Variants in KIAA0825 observed in about 807,000 individuals in gnomAD.
KIAA0825 encodes KIAA0825, also known as uncharacterized protein KIAA0825.
KIAA0825 carries 119 observed loss-of-function variants against 147.6 expected under a neutral mutation model. The observed-to-expected ratio is 0.81, with a 90% CI of 0.69 to 0.94. The LOEUF is 0.94. Among genes scored for constraint, KIAA0825 ranks in the 40% least tolerant of loss-of-function variants. KIAA0825 has a pLI of 0.00. For missense variants in KIAA0825, 1,381 were observed against 1,472.7 expected, an observed-to-expected ratio of 0.94 and a Z score of 1.02; for synonymous variants, 470 against 518.1, an observed-to-expected ratio of 0.91 and a Z score of 1.26.
chr5:94,599,589 A>C (rs1198509631), intron 1 of KIAA0825, among the ~76,000 whole-genome samples: 1 of 152,118 alleles, frequency 6.6e-6, no homozygotes, highest in Non-Finnish European at 1.5e-5. Context: ...TCTTCTTGAC[A>C]CTGGAGTAGG....
chr5:94,617,633 C>A (rs905043842), intron 1 of KIAA0825, among the ~76,000 whole-genome samples: 1 of 152,086 alleles, frequency 6.6e-6, no homozygotes, highest in Admixed American at 6.6e-5. Context: ...AGGTAATTAT[C>A]TAAATATAAG....
intron 20 of KIAA0825, among the ~76,000 whole-genome samples, chr5:94,318,437 A>C (rs971047008): frequency 6.6e-6 from 1 of 151,934 alleles, no homozygotes; most frequent in South Asian, 2.1e-4. Flanking sequence ...AATACGATGA[A>C]GTAGGATAAG....
chr5:94,548,243 A>T (rs924619159), intron 2 of KIAA0825, among the ~76,000 whole-genome samples: 4 of 152,188 alleles, frequency 2.6e-5, no homozygotes, highest in African/African-American at 9.7e-5. Flanking sequence ...ATAAGACATA[A>T]GGAGAAACAA....
intron 15 of KIAA0825, chr5:94,416,644 T>A (rs1200505516): frequency 1.3e-5 from 2 of 152,298 alleles, no homozygotes; most frequent in Admixed American, 1.3e-4. Context: ...TGTTCAAATA[T>A]ACAACCTGCA....
chr5:94,533,169 A>G (rs1325546529), intron 3 of KIAA0825, among the ~76,000 whole-genome samples: 2 of 150,844 alleles, frequency 1.3e-5, no homozygotes, highest in South Asian at 4.2e-4. Context: ...TAGTAGAGGC[A>G]GGGTTTCACC....
chr5:94,162,539 T>C (rs1023875648), intron 20 of KIAA0825, among the ~76,000 whole-genome samples: 5 of 152,154 alleles, frequency 3.3e-5, no homozygotes, highest in African/African-American at 1.2e-4. Context: ...GCAATCCTCC[T>C]GCCTTGGCAT....
At chr5:94,494,892 G>T (rs1764177849) in intron 5 of KIAA0825, among the ~76,000 whole-genome samples, 1 of 152,104 alleles carries the variant, frequency 6.6e-6, no homozygotes, top group Non-Finnish European at 1.5e-5. Context: ...AATATAACAT[G>T]TTAAAAATTA....
intron 3 of KIAA0825, among the ~76,000 whole-genome samples, chr5:94,535,392 C>T (rs1390220250): frequency 6.6e-6 from 1 of 151,074 alleles, no homozygotes; most frequent in Non-Finnish European, 1.5e-5. Flanking sequence ...CACCTGTAAT[C>T]CCAGCTTCTT....
chr5:94,195,999 G>A (rs1450434008), intron 20 of KIAA0825, among the ~76,000 whole-genome samples: 1 of 152,170 alleles, frequency 6.6e-6, no homozygotes, highest in East Asian at 1.9e-4. Context: ...ATCTCTGCAG[G>A]AGGGTTGCTT....
intron 5 of KIAA0825, among the ~76,000 whole-genome samples, chr5:94,509,380 T>G (rs1005672712): frequency 6.6e-6 from 1 of 152,234 alleles, no homozygotes; most frequent in Admixed American, 6.5e-5. Context: ...TTAGTAGCCC[T>G]GTTGTTAGTT....
intron 20 of KIAA0825, among the ~76,000 whole-genome samples, chr5:94,316,320 T>C (rs1326755038): frequency 6.6e-6 from 1 of 151,526 alleles, no homozygotes; most frequent in Non-Finnish European, 1.5e-5. Context: ...TTCTATATTA[T>C]ACTACTAAAC....
chr5:94,477,147 G>T lies in KIAA0825; in HGVS notation c.1191C>A (p.Thr397=). 1 of 1,550,252 alleles carries T rather than the reference G, an allele frequency of 6.5e-7. No individual in the cohort carries two copies. The highest frequency in any genetic ancestry group is 1.2e-5 in the South Asian group (1 of 83,954). Reference sequence around the variant, plus strand: ...GTAGTGATTGCTCGGAAGGAATATTGGTTTCGTTTGCTCTAGGTTTTTCCA... The same window carrying T: ...GTAGTGATTGCTCGGAAGGAATATTTGTTTCGTTTGCTCTAGGTTTTTCCA... ...VVMEKPRANE[T]NIPSEQSLPG... The change falls in exon 7 of 21, where the codon ACC becomes ACA. Residue 397 remains threonine, a synonymous_variant. Coordinates refer to ENST00000682413, the MANE Select transcript of KIAA0825 (RefSeq NM_001145678.3).
At chr5:94,378,805 T>C (rs1402435436) in intron 20 of KIAA0825, among the ~76,000 whole-genome samples, 2 of 152,212 alleles carry the variant, frequency 1.3e-5, no homozygotes, top group Non-Finnish European at 2.9e-5. Flanking sequence ...TTCTGACTGG[T>C]GTGAGATGCT....
rs1781976769 is a variant in KIAA0825 at position 94,580,799 on chromosome 5, C to T, written c.-2+1634G>A. Among the ~76,000 whole-genome samples, 2 of 82,240 alleles carry T rather than the reference C, an allele frequency of 2.4e-5. 1 individual carries two copies. Among genetic ancestry groups the T allele is most frequent in the Admixed American group, 2.7e-4 (2 of 7,354 alleles). The allele number at this position is 82,240 out of a possible 152,430, so 54.0% of individuals were successfully genotyped here. On this transcript the variant is annotated intron_variant, in intron 2 of 20. Transcript: ENST00000682413. ...GCTGAGGCGGGAGAATGGCGTGAAC[C>T]CGGGAGGCGGAGCTTGCAGTGAGCC...
intron 1 of KIAA0825, among the ~76,000 whole-genome samples, chr5:94,586,751 T>G (rs1363186636): frequency 6.6e-6 from 1 of 152,158 alleles, no homozygotes; most frequent in Admixed American, 6.5e-5. Flanking sequence ...AAAGAGAATT[T>G]TAGACCAATA....
chr5:94,531,002 G>A lies in KIAA0825; in HGVS notation c.131+5994C>T, dbSNP rs73145066. Among the ~76,000 whole-genome samples, 1,361 of 152,062 alleles carry A rather than the reference G, an allele frequency of 9.0e-3. 19 individuals are homozygous for A. The highest frequency in any genetic ancestry group is 0.03 in the African/African-American group (1,228 of 41,480). On this transcript the variant is annotated intron_variant, in intron 3 of 20. Transcript: ENST00000682413. ...GACACGTGCTTCCCTTTCCTTATTT[G>A]CCATGGAAAGATAATACAATAATAT...
chr5:94,470,086 G>A lies in KIAA0825; in HGVS notation c.1747C>T (p.Arg583Ter), dbSNP rs1461255822. 1.7e-5 allele frequency: 27 copies of A among 1,551,286 alleles called. No individual in the cohort carries two copies. Among genetic ancestry groups the A allele is most frequent in the Middle Eastern group, 1.7e-4 (1 of 6,014 alleles). Residue 583 changes from arginine to a stop codon, truncating the protein, a stop_gained, in exon 10 of 21, where the codon CGA becomes TGA. Coordinates refer to ENST00000682413, the MANE Select transcript of KIAA0825 (RefSeq NM_001145678.3). LOFTEE classifies it high-confidence loss of function. The stretch of plus-strand genomic sequence containing the variant: ...AGAGTGTTGATGAATTCCTGATATC[G>A]TTGGACAAGCACCAGGAATATGGGT... ...KKPIFLVLVQ[R>*]YQEFINTLQF... is the part of the protein sequence containing the mutation.
intron 2 of KIAA0825, among the ~76,000 whole-genome samples, chr5:94,538,788 C>T (rs1772647590): frequency 6.6e-6 from 1 of 152,196 alleles, no homozygotes; most frequent in Non-Finnish European, 1.5e-5. Flanking sequence ...AATGTTGATT[C>T]AGACGCTACA....
chr5:94,564,600 C>A (rs572515195), intron 2 of KIAA0825, among the ~76,000 whole-genome samples: 1 of 146,856 alleles, frequency 6.8e-6, no homozygotes, highest in Admixed American at 6.9e-5. Context: ...GATGAGGTAT[C>A]CCTACATTGC....
Sources: allele counts gnomAD v4.1 joint callset (sites outside exome capture counted in the v4.1 genomes callset), GRCh38; gene constraint gnomAD v4.1.1; transcripts MANE v1.5; gene names NCBI Gene and HGNC (gene_info 2026-07-23, HGNC 2026-07-21).